Variants in PARP4 observed in about 807,000 individuals in gnomAD.
PARP4 encodes the protein poly(ADP-ribose) polymerase family member 4.
In PARP4, 120 loss-of-function variants were observed where a neutral mutation model predicts 187.7. The observed-to-expected ratio is 0.64, with a 90% CI of 0.55 to 0.74. The LOEUF is 0.74. PARP4 is among the 30% of genes least tolerant of loss of function. The probability of loss-of-function intolerance (pLI) is 0.00; values close to 1 mark genes in which losing one functional copy is unlikely to be tolerated. For missense variants in PARP4, 1,836 were observed against 2,070.5 expected (o/e 0.89, Z 2.20); for synonymous variants, 654 against 740.9 (o/e 0.88, Z 1.90).
chr13:24,472,971 T>C (rs1221781714), intron 15 of PARP4, among the ~76,000 whole-genome samples: 2 of 149,984 alleles, frequency 1.3e-5, no homozygotes, highest in African/African-American at 4.9e-5. Flanking sequence ...TCTTGGCTCA[T>C]TGCAACCTCT....
intron 20 of PARP4, 36 bp from the exon 21 acceptor site, chr13:24,456,514 T>C (rs976836742): frequency 1.9e-6 from 3 of 1,577,192 alleles, no homozygotes; most frequent in East Asian, 2.3e-5. Context: ...AGGTGAGTAA[T>C]GGAGTAACAC....
intron 1 of PARP4, among the ~76,000 whole-genome samples, chr13:24,510,899 C>T (rs1869979718): frequency 6.6e-6 from 1 of 152,138 alleles, no homozygotes; most frequent in Non-Finnish European, 1.5e-5. Context: ...TCCCTCCCAG[C>T]AATCCTTTCA....
chr13:24,450,401 A>C (rs1208578275), intron 24 of PARP4, among the ~76,000 whole-genome samples: 1 of 150,688 alleles, frequency 6.6e-6, no homozygotes, highest in East Asian at 1.9e-4. Flanking sequence ...ATTAAAGAAA[A>C]CATCAATTAT....
chr13:24,503,567 C>T lies in PARP4; in HGVS notation c.132+78G>A, dbSNP rs924348076. 2.7e-5 allele frequency: 41 copies of T among 1,513,900 alleles called. No individual in the cohort carries two copies. In the African/African-American group the frequency reaches 3.3e-4, roughly 12 times the overall value. The allele number at this position is 1,513,900 out of a possible 1,614,324, so 93.8% of individuals were successfully genotyped here. Reference sequence around the variant, plus strand: ...CACTCTCTCCTGCTGCTAATCTCTGCTTCCTCTTCTAACCATGACCCTGTT... The same window carrying T: ...CACTCTCTCCTGCTGCTAATCTCTGTTTCCTCTTCTAACCATGACCCTGTT... On this transcript the variant is annotated intron_variant, in intron 2 of 33. Transcript: ENST00000381989.
intron 25 of PARP4, among the ~76,000 whole-genome samples, chr13:24,449,475 T>A (rs1200338474): frequency 2.0e-5 from 3 of 151,464 alleles, no homozygotes; most frequent in African/African-American, 4.9e-5. Context: ...TAATTCACTT[T>A]AAAAAAAATC....
intron 33 of PARP4, among the ~76,000 whole-genome samples, chr13:24,425,542 C>CAT (rs1869988754): frequency 4.6e-5 from 3 of 65,228 alleles, no homozygotes; most frequent in African/African-American, 1.5e-4. Flanking sequence ...TGCATGTGTG[C>CAT]ATGTGTGTGT....
chr13:24,469,607 G>C (rs1179492519), intron 16 of PARP4, among the ~76,000 whole-genome samples: 2 of 152,096 alleles, frequency 1.3e-5, no homozygotes, highest in Non-Finnish European at 2.9e-5. Flanking sequence ...ACTGCACCCG[G>C]CCCTCTTTAA....
At chr13:24,459,820 TA>T in intron 18 of PARP4, 151 bp downstream of exon 18, 1 of 593,932 alleles carries the variant, frequency 1.7e-6, no homozygotes, top group Non-Finnish European at 2.9e-6. Context: ...TTTATACACA[TA>T]ATGTATCTAA....
chr13:24,488,278 C>T (rs1392036848), intron 10 of PARP4, among the ~76,000 whole-genome samples: 1 of 151,844 alleles, frequency 6.6e-6, no homozygotes, highest in Non-Finnish European at 1.5e-5. Context: ...CAGATCTCAG[C>T]GGACACCTAG....
At chr13:24,425,229 A>AT (rs1869966654) in intron 33 of PARP4, among the ~76,000 whole-genome samples, 1 of 152,144 alleles carries the variant, frequency 6.6e-6, no homozygotes, top group African/African-American at 2.4e-5. Context: ...TGAGCCCAGG[A>AT]GGCGGAGGTT....
Position 24,486,149 on chromosome 13 carries a change from T to C in PARP4, c.1352+19A>G. The C allele has an allele frequency of 6.3e-7, 1 of 1,577,430 alleles. No individual in the cohort carries two copies. The highest frequency in any genetic ancestry group is 8.6e-7 in the Non-Finnish European group (1 of 1,164,624). Reference sequence around the variant, plus strand: ...TTGTGAGCCTGAAATTTTTGAAAAATAAAGATGGCTACTCTTACCGACACA... The same window carrying C: ...TTGTGAGCCTGAAATTTTTGAAAAACAAAGATGGCTACTCTTACCGACACA... On this transcript the variant is annotated intron_variant, in intron 11 of 33. Transcript: ENST00000381989.
chr13:24,508,858 C>T (rs1482022253), intron 1 of PARP4, among the ~76,000 whole-genome samples: 1 of 152,096 alleles, frequency 6.6e-6, no homozygotes, highest in Non-Finnish European at 1.5e-5. Context: ...CTACCTATCC[C>T]GCTGTTATCA....
At chr13:24,435,499 C>T (rs371164007) in intron 30 of PARP4, 25 bp from the exon 31 acceptor site, 45 of 1,540,960 alleles carry the variant, frequency 2.9e-5, no homozygotes, top group Admixed American at 4.3e-5. Flanking sequence ...GAATTATTAA[C>T]GTAAGGGGAA....
chr13:24,485,600 G>A (rs1212280620), intron 11 of PARP4, among the ~76,000 whole-genome samples: 1 of 152,092 alleles, frequency 6.6e-6, no homozygotes, highest in African/African-American at 2.4e-5. Flanking sequence ...TCCTGCTCCT[G>A]TGACTTCAGT....
At position 24,434,953 on chromosome 13, in the gene PARP4, A is replaced by G. The variant is rs1870540384; in HGVS notation, c.4188T>C (p.Tyr1396=). The change falls in exon 31 of 34, where the codon TAT becomes TAC. Residue 1396 remains tyrosine (Y), a synonymous_variant. Coordinates refer to ENST00000381989, the MANE Select transcript of PARP4 (RefSeq NM_006437.4). ...GPPQNPPSSP[Y]CGIVFSGSSL... The stretch of plus-strand genomic sequence containing the variant: ...AGCTCCCTGAAAAAACAATGCCACA[A>G]TAGGGTGAAGAAGGTGGGTTCTGGG... 1 of 1,613,834 alleles carries G rather than the reference A, an allele frequency of 6.2e-7. No individual in the cohort carries two copies. Among genetic ancestry groups the G allele is most frequent in the African/African-American group, 1.3e-5 (1 of 74,904 alleles).
At chr13:24,458,207 T>C (rs1871990600) in intron 20 of PARP4, among the ~76,000 whole-genome samples, 2 of 151,836 alleles carry the variant, frequency 1.3e-5, no homozygotes, top group African/African-American at 4.8e-5. Context: ...CCTCCTGGGT[T>C]CACGCCATTC....
intron 22 of PARP4, among the ~76,000 whole-genome samples, chr13:24,454,794 C>G (rs1358997442): frequency 6.6e-6 from 1 of 152,138 alleles, no homozygotes; most frequent in African/African-American, 2.4e-5. Context: ...ACGGAGGCAC[C>G]AGAAGTTCAA....
chr13:24,502,516 C>T (rs906481200), intron 2 of PARP4, among the ~76,000 whole-genome samples: 3 of 152,256 alleles, frequency 2.0e-5, no homozygotes, highest in African/African-American at 7.2e-5. Flanking sequence ...TACATGGCAG[C>T]GTGCTCCTCA....
chr13:24,467,213 T>C (rs948560151), intron 17 of PARP4, among the ~76,000 whole-genome samples: 1 of 152,190 alleles, frequency 6.6e-6, no homozygotes, highest in African/African-American at 2.4e-5. Context: ...ACTGTCTTCA[T>C]CCTTGGTTTC....
Sources: gnomAD v4.1 joint callset for allele counts (sites outside exome capture counted in the v4.1 genomes callset) on GRCh38, gnomAD v4.1.1 for gene constraint, MANE v1.5 for transcripts, NCBI Gene and HGNC (gene_info 2026-07-23, HGNC 2026-07-21) for gene names.